FBXL5: variants seen among roughly 807,000 people sequenced by gnomAD.
FBXL5 encodes the protein F-box/LRR-repeat protein 5.
In FBXL5, 26 loss-of-function variants were observed where a neutral mutation model predicts 78.3. The ratio of observed to expected loss-of-function variants is 0.33; its 90% CI spans 0.24 to 0.46. The LOEUF (loss-of-function observed/expected upper bound fraction) is 0.46, where lower values mean the gene tolerates loss of function less well. FBXL5 is among the 20% of genes least tolerant of loss of function. FBXL5 has a pLI of 1.00. For synonymous variants in FBXL5, 295 were observed against 282.5 expected (o/e 1.04, Z -0.45); for missense variants, 710 against 829.2 (o/e 0.86, Z 1.77).
intron 2 of FBXL5, 45 bp from the exon 3 acceptor site, chr4:15,640,928 A>C (rs1714799867): frequency 9.3e-7 from 1 of 1,069,696 alleles, no homozygotes; most frequent in Non-Finnish European, 1.3e-6. Flanking sequence ...GTTTCGCTTC[A>C]TTAATTATGT....
intron 9 of FBXL5, among the ~76,000 whole-genome samples, chr4:15,621,588 A>C (rs1712484697): frequency 6.6e-6 from 1 of 152,246 alleles, no homozygotes; most frequent in Non-Finnish European, 1.5e-5. Context: ...GATGTGAATA[A>C]ACCTTGAAAC....
intron 1 of FBXL5, among the ~76,000 whole-genome samples, chr4:15,665,715 A>G (rs1717511888): frequency 6.6e-6 from 1 of 152,230 alleles, no homozygotes; most frequent in South Asian, 2.1e-4. Flanking sequence ...CGTTTATCTG[A>G]GAAAAGAAAC....
chr4:15,661,581 G>GT (rs1307641353), upstream of FBXL5, among the ~76,000 whole-genome samples: 1 of 152,188 alleles, frequency 6.6e-6, no homozygotes, highest in Non-Finnish European at 1.5e-5. Context: ...GTCACATTTA[G>GT]TTGTAAGTGA....
intron 7 of FBXL5, among the ~76,000 whole-genome samples, 176 bp from the exon 8 acceptor site, chr4:15,627,131 CTTTTTTTTTT>C (rs33920814): frequency 1.1e-5 from 1 of 87,826 alleles, no homozygotes; most frequent in Non-Finnish European, 2.2e-5. Flanking sequence ...CTGAGAATCT[CTTTTTTTTTT>C]TTTTTTTTTT....
chr4:15,648,431 C>A (rs1389089119), intron 1 of FBXL5, among the ~76,000 whole-genome samples: 1 of 152,160 alleles, frequency 6.6e-6, no homozygotes, highest in Non-Finnish European at 1.5e-5. Context: ...TATCTGCACT[C>A]CCATGTTCAA....
At chr4:15,654,917 C>T (rs1716665500) in intron 1 of FBXL5, among the ~76,000 whole-genome samples, 1 of 152,056 alleles carries the variant, frequency 6.6e-6, no homozygotes, top group Admixed American at 6.5e-5. Flanking sequence ...GGCCCGAGGG[C>T]GGCCAGTGAC....
At chr4:15,647,603 A>C in intron 1 of FBXL5, among the ~76,000 whole-genome samples, 1 of 152,222 alleles carries the variant, frequency 6.6e-6, no homozygotes, top group South Asian at 2.1e-4. Flanking sequence ...AGATCTAATA[A>C]CACATTAAGG....
chr4:15,660,568 C>G (rs755355571), upstream of FBXL5, among the ~76,000 whole-genome samples: 4 of 152,232 alleles, frequency 2.6e-5, no homozygotes, highest in Non-Finnish European at 5.9e-5. Flanking sequence ...AATCCCACTT[C>G]TCACTACCTA....
chr4:15,627,498 T>C (rs1425658415), intron 7 of FBXL5, among the ~76,000 whole-genome samples: 1 of 152,182 alleles, frequency 6.6e-6, no homozygotes, highest in Non-Finnish European at 1.5e-5. Flanking sequence ...ACACTCAAGA[T>C]TCTGATGTAG....
chr4:15,645,914 G>A (rs73241183), intron 1 of FBXL5, among the ~76,000 whole-genome samples: 13,577 of 152,040 alleles, frequency 0.089, 767 homozygotes, highest in Non-Finnish European at 0.12. Context: ...GATGAGGCAG[G>A]CACTGTTCTT....
At chr4:15,648,266 C>A (rs1426124450) in intron 1 of FBXL5, among the ~76,000 whole-genome samples, 1 of 152,002 alleles carries the variant, frequency 6.6e-6, no homozygotes, top group East Asian at 1.9e-4. Context: ...TGTATTCAGA[C>A]CAAAATAAAA....
intron 9 of FBXL5, among the ~76,000 whole-genome samples, chr4:15,623,213 T>C (rs1488967341): frequency 2.0e-5 from 3 of 152,122 alleles, no homozygotes; most frequent in African/African-American, 4.8e-5. Context: ...AACCTTATAC[T>C]AGAAGAGTTT....
At chr4:15,656,206 G>C (rs773683794), upstream of FBXL5, 5 of 456,184 alleles carry the variant, frequency 1.1e-5, no homozygotes, top group South Asian at 7.7e-5. Flanking sequence ...GCGGAGGTTC[G>C]GAGAGAAAAC....
At position 15,604,978 on chromosome 4, in the gene FBXL5, T is replaced by G. The variant is rs1458956172; in HGVS notation, c.*745A>C. The G allele has an allele frequency of 6.6e-6, 1 of 152,320 alleles. No homozygotes were observed. Among genetic ancestry groups the G allele is most frequent in the African/African-American group, 2.4e-5 (1 of 41,472 alleles). The allele number at this position is 152,320 out of a possible 1,614,324, so 9.4% of individuals were successfully genotyped here. ...TACTAAAGTAAACCTGGATTGAGAT[T>G]TATAATAAAAATCACAACACAACAG... On this transcript the variant is annotated 3_prime_UTR_variant, in exon 11 of 11. Coordinates refer to ENST00000341285, the MANE Select transcript of FBXL5 (RefSeq NM_012161.4).
chr4:15,648,095 G>C (rs970114459), intron 1 of FBXL5, among the ~76,000 whole-genome samples: 2 of 152,220 alleles, frequency 1.3e-5, no homozygotes, highest in African/African-American at 4.8e-5. Flanking sequence ...GGCTTCAAGC[G>C]ATCCTCCTGA....
At chr4:15,607,472 T>C (rs1002040672) in intron 10 of FBXL5, among the ~76,000 whole-genome samples, 1 of 152,218 alleles carries the variant, frequency 6.6e-6, no homozygotes, top group Non-Finnish European at 1.5e-5. Context: ...TTAATCATCT[T>C]AATCACAAAC....
At chr4:15,625,016 T>C (rs1033490851) in intron 9 of FBXL5, among the ~76,000 whole-genome samples, 3 of 152,250 alleles carry the variant, frequency 2.0e-5, no homozygotes, top group Non-Finnish European at 4.4e-5. Flanking sequence ...AAGTATTTAT[T>C]AAACTTTAGA....
upstream of FBXL5, among the ~76,000 whole-genome samples, chr4:15,664,162 C>T (rs374300319): frequency 1.2e-4 from 19 of 152,138 alleles, no homozygotes; most frequent in African/African-American, 4.6e-4. Flanking sequence ...ATCTTAAAAG[C>T]TTTCATTTTT....
chr4:15,672,619 CTTG>C (rs1283603272), intron 1 of FBXL5, among the ~76,000 whole-genome samples: 1 of 152,112 alleles, frequency 6.6e-6, no homozygotes, highest in East Asian at 1.9e-4. Context: ...ATGAATGGAG[CTTG>C]TAGGACTAGA....
Sources: gnomAD v4.1 joint callset for allele counts (sites outside exome capture counted in the v4.1 genomes callset) on GRCh38, gnomAD v4.1.1 for gene constraint, MANE v1.5 for transcripts, NCBI Gene and HGNC (gene_info 2026-07-23, HGNC 2026-07-21) for gene names.